MAD1L1: variants seen among roughly 807,000 people sequenced by gnomAD.
The protein encoded by MAD1L1 is mitotic spindle assembly checkpoint protein MAD1.
A neutral mutation model predicts 96.9 loss-of-function variants in MAD1L1; 95 were observed. The ratio of observed to expected loss-of-function variants is 0.98; its 90% CI spans 0.83 to 1.16. The LOEUF (loss-of-function observed/expected upper bound fraction) is 1.16. Ranked by LOEUF, MAD1L1 falls within the 50% of genes most tolerant of loss-of-function variation. MAD1L1 has a pLI of 0.00. For synonymous variants in MAD1L1, 473 were observed against 396.6 expected (o/e 1.19, Z -2.29); for missense variants, 1,007 against 954.4 (o/e 1.06, Z -0.73).
chr7:2,124,080 C>T (rs968690572), intron 11 of MAD1L1, among the ~76,000 whole-genome samples: 6 of 152,198 alleles, frequency 3.9e-5, no homozygotes, highest in Non-Finnish European at 5.9e-5. Context: ...AGGAGCAAGG[C>T]GAAGGCTCTC....
rs776215864 is a variant in MAD1L1 at position 2,216,196 on chromosome 7, C to T, written c.770G>A (p.Arg257Gln). The change falls in exon 8 of 19, where the codon CGG becomes CAG. Residue 257 changes from arginine (R) to glutamine (Q), a missense_variant. Coordinates refer to ENST00000265854, the MANE Select transcript of MAD1L1 (RefSeq NM_001013836.2). ...SELVRLPRLE[R>Q]ELKQLREESA... ...CTCCTCCCGCAGCTGCTTCAGCTCC[C>T]GTTCCAGCCTAGGGAGCCGTACCAG... 6.8e-6 allele frequency: 11 copies of T among 1,613,762 alleles called. No individual in the cohort carries two copies. Among genetic ancestry groups the T allele is most frequent in the African/African-American group, 4.0e-5 (3 of 74,924 alleles).
In MAD1L1 at chr7:2,016,938, G is replaced by A. The variant is rs140359554; in HGVS notation, c.1219-2296C>T. On this transcript the variant is annotated intron_variant, in intron 12 of 18. Coordinates refer to ENST00000265854, the MANE Select transcript of MAD1L1 (RefSeq NM_001013836.2). Reference sequence around the variant, plus strand: ...ACCGGAGTTGTCAGTACCAACGCGCGGACGCCGCGCAAGGCCGGGGCGGGG... The same window carrying A: ...ACCGGAGTTGTCAGTACCAACGCGCAGACGCCGCGCAAGGCCGGGGCGGGG... Among the ~76,000 whole-genome samples the A allele has an allele frequency of 3.5e-3, 530 of 152,374 alleles. 5 individuals carry two copies. Among genetic ancestry groups the A allele is most frequent in the African/African-American group, 0.012 (493 of 41,592 alleles).
chr7:1,961,625 A>C (rs1430758024), intron 15 of MAD1L1, among the ~76,000 whole-genome samples: 1 of 152,230 alleles, frequency 6.6e-6, no homozygotes, highest in Non-Finnish European at 1.5e-5. Flanking sequence ...ACAGGAGAAA[A>C]TCTTGTAAAT....
intron 10 of MAD1L1, among the ~76,000 whole-genome samples, chr7:2,159,159 G>T (rs903498495): frequency 2.0e-5 from 3 of 152,160 alleles, no homozygotes; most frequent in Admixed American, 2.0e-4. Flanking sequence ...AAGCCCAAAG[G>T]CCCACGCAGC....
At chr7:2,197,897 G>A (rs1438554865) in intron 10 of MAD1L1, among the ~76,000 whole-genome samples, 2 of 151,666 alleles carry the variant, frequency 1.3e-5, no homozygotes, top group African/African-American at 2.4e-5. Context: ...CCTAGCCCCC[G>A]GGTCCCAGCC....
In MAD1L1 at chr7:1,819,088, C is replaced by T. The variant is rs923104013; in HGVS notation, c.1999-2860G>A. Among the ~76,000 whole-genome samples, 18 of 152,120 alleles carry T rather than the reference C, an allele frequency of 1.2e-4. 1 individual carries two copies. Among genetic ancestry groups the T allele is most frequent in the South Asian group, 4.1e-4 (2 of 4,828 alleles). ...TTAGCAGGACCTGCTGAATGAGTGGCGCCGGGCCCATCCATCTCTGCCATC... is the reference window on the plus strand; with the variant it reads ...TTAGCAGGACCTGCTGAATGAGTGGTGCCGGGCCCATCCATCTCTGCCATC... On this transcript the variant is annotated intron_variant, in intron 18 of 18. Coordinates refer to ENST00000265854, the MANE Select transcript of MAD1L1 (RefSeq NM_001013836.2).
intron 11 of MAD1L1, among the ~76,000 whole-genome samples, chr7:2,134,713 G>A (rs1322969676): frequency 6.6e-6 from 1 of 152,178 alleles, no homozygotes; most frequent in African/African-American, 2.4e-5. Context: ...CACGTCTCTG[G>A]AGAGGCCACC....
intron 14 of MAD1L1, among the ~76,000 whole-genome samples, chr7:1,981,597 CCAGCT>C (rs1780910599): frequency 6.6e-6 from 1 of 152,148 alleles, no homozygotes; most frequent in South Asian, 2.1e-4. Flanking sequence ...ACTCCAAAGC[CCAGCT>C]CACTCCGTCA....
chr7:2,046,925 C>A (rs1056857460), intron 12 of MAD1L1, among the ~76,000 whole-genome samples: 3 of 152,238 alleles, frequency 2.0e-5, no homozygotes, highest in Non-Finnish European at 2.9e-5. Flanking sequence ...CCACACGCTG[C>A]GCACACAACA....
intron 18 of MAD1L1, among the ~76,000 whole-genome samples, chr7:1,839,297 G>A (rs1414252707): frequency 6.6e-6 from 1 of 151,574 alleles, no homozygotes; most frequent in Non-Finnish European, 1.5e-5. Flanking sequence ...GACACTCGGG[G>A]TCCCAGGGAG....
chr7:1,876,967 T>C (rs966968544), intron 18 of MAD1L1, among the ~76,000 whole-genome samples: 1 of 132,606 alleles, frequency 7.5e-6, no homozygotes, highest in Non-Finnish European at 1.7e-5. Context: ...AATATGTGAA[T>C]ACAGTTCACG....
At chr7:2,137,988 T>C (rs1389903467) in intron 11 of MAD1L1, among the ~76,000 whole-genome samples, 2 of 152,166 alleles carry the variant, frequency 1.3e-5, no homozygotes, top group African/African-American at 2.4e-5. Flanking sequence ...ACACAGGCCA[T>C]GATGGCAGCT....
Position 2,095,137 on chromosome 7 carries a change from G to T in MAD1L1, c.1074-25799C>A, listed in dbSNP as rs1264364519. On this transcript the variant is annotated intron_variant, in intron 11 of 18. Transcript: ENST00000265854. ...AGCTCACTACAAGCTCCGCCTCCGG[G>T]GTTCACGCCATTCTCCTGCCTCAGC... 2.0e-5 allele frequency among the ~76,000 whole-genome samples: 3 copies of T among 152,210 alleles called. No individual in the cohort carries two copies. The East Asian group carries it at 5.8e-4, about 29-fold the overall frequency.
intron 16 of MAD1L1, among the ~76,000 whole-genome samples, chr7:1,941,842 C>G (rs1384040681): frequency 6.6e-6 from 1 of 151,042 alleles, no homozygotes; most frequent in Non-Finnish European, 1.5e-5. Context: ...GAGAACCCAC[C>G]TCCCAGGAGG....
chr7:2,018,177 C>A (rs368987702), intron 12 of MAD1L1, among the ~76,000 whole-genome samples: 1 of 152,290 alleles, frequency 6.6e-6, no homozygotes, highest in African/African-American at 2.4e-5. Flanking sequence ...ACACACCCAA[C>A]GAAGCCCACA....
chr7:1,833,855 G>A lies in MAD1L1; in HGVS notation c.1999-17627C>T, dbSNP rs139055977. ...ACTCGGGAGGCTGAGGTAGGAGGCA[G>A]GAGAATCACTTGAACCTGGAAGGCA... On this transcript the variant is annotated intron_variant, in intron 18 of 18. Transcript: ENST00000265854. Among the ~76,000 whole-genome samples, 845 of 152,310 alleles carry A rather than the reference G, an allele frequency of 5.5e-3. 6 individuals are homozygous for A. The highest frequency in any genetic ancestry group is 0.019 in the African/African-American group (804 of 41,570).
At chr7:2,121,034 G>C (rs757376731) in intron 11 of MAD1L1, among the ~76,000 whole-genome samples, 2 of 152,192 alleles carry the variant, frequency 1.3e-5, no homozygotes, top group Non-Finnish European at 2.9e-5. Context: ...AAGTGGAGTC[G>C]CACGGTGACG....
chr7:1,817,365 G>C (rs934455055), intron 18 of MAD1L1: 9 of 152,242 alleles, frequency 5.9e-5, no homozygotes, highest in African/African-American at 2.2e-4. Flanking sequence ...ACAGACCTCG[G>C]CACGGGTGTC....
At chr7:2,060,188 C>T (rs1327789252) in intron 12 of MAD1L1, among the ~76,000 whole-genome samples, 1 of 147,912 alleles carries the variant, frequency 6.8e-6, no homozygotes, top group African/African-American at 2.5e-5. Context: ...CCGAGATACA[C>T]CGATGCCAAG....
Sources: gnomAD v4.1 joint callset for allele counts (sites outside exome capture counted in the v4.1 genomes callset) on GRCh38, gnomAD v4.1.1 for gene constraint, MANE v1.5 for transcripts, NCBI Gene and HGNC (gene_info 2026-07-23, HGNC 2026-07-21) for gene names.